FNDC1: variants seen among roughly 807,000 people sequenced by gnomAD.
FNDC1 encodes the protein fibronectin type III domain-containing protein 1.
FNDC1 carries 96 observed loss-of-function variants against 168.0 expected under a neutral mutation model. The ratio of observed to expected loss-of-function variants is 0.57; its 90% CI spans 0.48 to 0.68. The LOEUF (loss-of-function observed/expected upper bound fraction) is 0.68, where lower values mean the gene tolerates loss of function less well. Ranked by LOEUF, FNDC1 falls within the 30% of genes least tolerant of loss-of-function variation. FNDC1 has a pLI of 0.00. For missense variants in FNDC1, 2,587 were observed against 2,482.1 expected (o/e 1.04, Z -0.90); for synonymous variants, 1,099 against 1,025.9 (o/e 1.07, Z -1.36).
intron 22 of FNDC1, among the ~76,000 whole-genome samples, chr6:159,269,361 G>C (rs12209329): frequency 0.016 from 534 of 33,024 alleles, 18 homozygotes; most frequent in Middle Eastern, 0.071. Context: ...GTTTATCTAG[G>C]TATCCATCCA....
At chr6:159,270,642 T>G (rs1777726053) in intron 22 of FNDC1, among the ~76,000 whole-genome samples, 1 of 152,158 alleles carries the variant, frequency 6.6e-6, no homozygotes, top group East Asian at 1.9e-4. Flanking sequence ...TCCAGAAAAA[T>G]TTTTAGAAGG....
At chr6:159,254,482 C>T (rs181380487) in intron 17 of FNDC1, among the ~76,000 whole-genome samples, 37 of 152,236 alleles carry the variant, frequency 2.4e-4, no homozygotes, top group Non-Finnish European at 4.3e-4. Context: ...CAGAGCATCT[C>T]AGACTTGGTG....
chr6:159,231,206 T>TAAACC (rs1783075316), intron 10 of FNDC1, among the ~76,000 whole-genome samples: 1 of 79,794 alleles, frequency 1.3e-5, no homozygotes, highest in East Asian at 2.2e-4. Context: ...AAACCCCATC[T>TAAACC]CTACTAAAAA....
Position 159,225,644 on chromosome 6 carries a change from GA to G in FNDC1, c.996del (p.Glu332AspfsTer35). ...GAACCTGATTCCAGACACTGTGTAT[GA>G]ATTTGCAGTCCGTATTTCACAGGGT... The part of the protein sequence containing the change: ...IENLIPDTVY[E>X]FAVRISQGER... On this transcript the variant is annotated frameshift_variant, in exon 8 of 23. Coordinates refer to ENST00000297267, the MANE Select transcript of FNDC1 (RefSeq NM_032532.3). LOFTEE classifies it high-confidence loss of function. 6.2e-7 allele frequency: 1 copy of G among 1,613,972 alleles called. No individual in the cohort carries two copies. Among genetic ancestry groups the G allele is most frequent in the Non-Finnish European group, 8.5e-7 (1 of 1,179,880 alleles).
At chr6:159,253,520 G>A (rs1026596379) in intron 17 of FNDC1, among the ~76,000 whole-genome samples, 1 of 152,218 alleles carries the variant, frequency 6.6e-6, no homozygotes, top group Non-Finnish European at 1.5e-5. Context: ...AAGCAGTCAA[G>A]TCAATGTGTA....
At chr6:159,270,693 A>G (rs969302365) in intron 22 of FNDC1, among the ~76,000 whole-genome samples, 5 of 152,230 alleles carry the variant, frequency 3.3e-5, no homozygotes, top group Admixed American at 2.0e-4. Context: ...ATGGTCAGAA[A>G]TGCTACAGGT....
chr6:159,246,819 T>C (rs1777146031), intron 14 of FNDC1, 82 bp from the exon 15 acceptor site: 2 of 956,512 alleles, frequency 2.1e-6, no homozygotes, highest in East Asian at 4.8e-5. Context: ...GGTGAATGAA[T>C]TGTCACGCTC....
At chr6:159,204,929 G>A (rs931421828) in intron 4 of FNDC1, among the ~76,000 whole-genome samples, 1 of 152,226 alleles carries the variant, frequency 6.6e-6, no homozygotes, top group African/African-American at 2.4e-5. Flanking sequence ...CTTGCTTCCT[G>A]CTTCCCTGGG....
At position 159,238,583 on chromosome 6, in the gene FNDC1, G is replaced by T; in HGVS notation, c.4098G>T (p.Leu1366Phe). 1 of 1,611,696 alleles carries T rather than the reference G, an allele frequency of 6.2e-7. No homozygotes were observed. ...TGGACCTTGATCGTGGGTTAGTATT[G>T]AATGCAGAAGGAAGGTACCTCCAAG... ...WVVDLDRGLV[L>F]NAEGRYLQDS... is the part of the protein sequence containing the mutation. Residue 1366 changes from leucine (L) to phenylalanine (F), a missense_variant, in exon 13 of 23, where the codon TTG (leucine) becomes TTT (phenylalanine). Coordinates refer to ENST00000297267, the MANE Select transcript of FNDC1 (RefSeq NM_032532.3).
intron 1 of FNDC1, among the ~76,000 whole-genome samples, chr6:159,194,221 AAT>A (rs1454368657): frequency 6.6e-6 from 1 of 152,204 alleles, no homozygotes; most frequent in Non-Finnish European, 1.5e-5. Flanking sequence ...GCATCCTGTG[AAT>A]ATGAAAAAGC....
chr6:159,242,153 A>AC (rs1783435908), intron 14 of FNDC1, among the ~76,000 whole-genome samples: 1 of 152,244 alleles, frequency 6.6e-6, no homozygotes. Context: ...CTATGCAGCC[A>AC]TAAAAGGAAT....
chr6:159,266,025 G>A (rs1777585349), intron 20 of FNDC1, 59 bp from the exon 21 acceptor site: 2 of 1,576,722 alleles, frequency 1.3e-6, no homozygotes, highest in Non-Finnish European at 8.7e-7. Context: ...CTGGCACTTT[G>A]TGTGAGAAGA....
At position 159,231,300 on chromosome 6, in the gene FNDC1, G is replaced by A. The variant is rs1198511299; in HGVS notation, c.1370-582G>A. ...TGAGGCAGGAGAATGGCGTGAACCC[G>A]GGAAGCGGAGCTTGCAGTGAGCCGA... On this transcript the variant is annotated intron_variant, in intron 10 of 22. Transcript: ENST00000297267. Among the ~76,000 whole-genome samples the A allele has an allele frequency of 3.9e-4, 14 of 35,894 alleles. 5 individuals carry two copies. The highest frequency in any genetic ancestry group is 5.8e-4 in the Non-Finnish European group (4 of 6,858). The allele number at this position is 35,894 out of a possible 152,430, so 23.5% of individuals were successfully genotyped here. A position where few individuals can be genotyped will look rare whatever the true frequency, so the allele number is the denominator to read the frequency against.
In FNDC1 at chr6:159,234,157, C is replaced by A. The variant is rs1458472187; in HGVS notation, c.3645C>A (p.Ala1215=). ...SSSTPRGGKD[A]DGSLAKEERE... ...CCACTCCCAGGGGCGGCAAAGACGC[C>A]GATGGGAGCCTCGCCAAGGAAGAGA... Residue 1215 remains alanine (A), a synonymous_variant, in exon 11 of 23, where the codon GCC becomes GCA. Coordinates refer to ENST00000297267, the MANE Select transcript of FNDC1 (RefSeq NM_032532.3). 6.3e-7 allele frequency: 1 copy of A among 1,598,198 alleles called. No homozygotes were observed. Among genetic ancestry groups the A allele is most frequent in the East Asian group, 2.2e-5 (1 of 44,642 alleles).
chr6:159,263,020 A>C (rs145030666), intron 19 of FNDC1, among the ~76,000 whole-genome samples: 1 of 152,248 alleles, frequency 6.6e-6, no homozygotes, highest in East Asian at 1.9e-4. Flanking sequence ...TGCCAAACAT[A>C]ACAATTGGAA....
At chr6:159,221,991 A>C (rs1782836671) in intron 6 of FNDC1, among the ~76,000 whole-genome samples, 1 of 152,212 alleles carries the variant, frequency 6.6e-6, no homozygotes, top group African/African-American at 2.4e-5. Context: ...GTGTGACCCA[A>C]GCCTAAATTG....
Position 159,169,641 on chromosome 6 carries a change from G to A in FNDC1, c.45G>A (p.Leu15=). ...AGATLRAPRR[L]SWAALLLLAA... is the part of the protein sequence containing the mutation. ...CGACCCTGCGCGCGCCGCGCCGGCT[G>A]TCCTGGGCGGCGCTGCTGCTCTTGG... Residue 15 remains leucine (L), a synonymous_variant, in exon 1 of 23, where the codon CTG becomes CTA. Coordinates refer to ENST00000297267, the MANE Select transcript of FNDC1 (RefSeq NM_032532.3). The surrounding 1 kb of genome is among the most constrained non-coding windows in gnomAD (Gnocchi z 6.8). The A allele has an allele frequency of 8.7e-7, 1 of 1,154,638 alleles. No homozygotes were observed. Among genetic ancestry groups the A allele is most frequent in the Non-Finnish European group, 1.1e-6 (1 of 939,472 alleles). 71.5% of individuals were successfully genotyped at this position (1,154,638 alleles called of 1,614,324 possible).
intron 17 of FNDC1, among the ~76,000 whole-genome samples, chr6:159,254,707 C>CAAA (rs61644137): frequency 1.1e-5 from 1 of 92,632 alleles, no homozygotes. Flanking sequence ...GACTTCGTCT[C>CAAA]AAAAAAAAAA....
At chr6:159,199,137 T>A (rs764238134) in intron 2 of FNDC1, among the ~76,000 whole-genome samples, 1 of 152,252 alleles carries the variant, frequency 6.6e-6, no homozygotes, top group Non-Finnish European at 1.5e-5. Context: ...CCACAGACTT[T>A]CGTCTCTTCA....
Sources: allele counts gnomAD v4.1 joint callset (sites outside exome capture counted in the v4.1 genomes callset), GRCh38; gene constraint gnomAD v4.1.1; non-coding constraint Gnocchi (gnomAD v3.1); transcripts MANE v1.5; gene names NCBI Gene and HGNC (gene_info 2026-07-23, HGNC 2026-07-21).